L3MBTL1: variants seen among roughly 807,000 people sequenced by gnomAD.
The protein encoded by L3MBTL1 is lethal(3)malignant brain tumor-like protein 1.
A neutral mutation model predicts 105.3 loss-of-function variants in L3MBTL1; 75 were observed. That is an observed-to-expected ratio of 0.71 (90% CI 0.59 to 0.86). The LOEUF is 0.86. Among genes scored for constraint, L3MBTL1 ranks in the 40% least tolerant of loss-of-function variants. L3MBTL1 has a pLI of 0.00. For synonymous variants in L3MBTL1, 452 were observed against 436.2 expected, an observed-to-expected ratio of 1.04 and a Z score of -0.45; for missense variants, 1,069 against 1,126.4, an observed-to-expected ratio of 0.95 and a Z score of 0.73.
At chr20:43,514,910 A>C in intron 4 of L3MBTL1, 99 bp from the exon 5 acceptor site, 1 of 1,489,832 alleles carries the variant, frequency 6.7e-7, no homozygotes, top group Non-Finnish European at 9.1e-7. Context: ...TCCGATGCGG[A>C]GATGGACCGA....
chr20:43,526,798 A>T (rs2019057103), intron 7 of L3MBTL1, among the ~76,000 whole-genome samples: 2 of 152,180 alleles, frequency 1.3e-5, no homozygotes, highest in African/African-American at 4.8e-5. Flanking sequence ...TAAAGATTTA[A>T]AAAATAGCCA....
downstream of L3MBTL1, among the ~76,000 whole-genome samples, chr20:43,546,182 G>A (rs938134128): frequency 6.6e-6 from 1 of 152,234 alleles, no homozygotes; most frequent in Non-Finnish European, 1.5e-5. Context: ...GGGTGGTAGA[G>A]GGAACAGAGC....
chr20:43,536,359 C>T (rs973194837), intron 18 of L3MBTL1, 50 bp from the exon 19 acceptor site: 1 of 1,613,108 alleles, frequency 6.2e-7, no homozygotes, highest in African/African-American at 1.3e-5. Context: ...GCCTCTTGGA[C>T]TGGGCCAGAC....
downstream of L3MBTL1, among the ~76,000 whole-genome samples, chr20:43,545,403 C>A (rs553993080): frequency 2.0e-5 from 3 of 151,896 alleles, no homozygotes; most frequent in African/African-American, 7.3e-5. Context: ...CAGAGCCAGA[C>A]CGGCATGAGG....
chr20:43,533,997 C>T lies in L3MBTL1; in HGVS notation c.1514-11C>T, dbSNP rs1375735838. The T allele has an allele frequency of 6.2e-7, 1 of 1,608,970 alleles. No homozygotes were observed. Among genetic ancestry groups the T allele is most frequent in the Non-Finnish European group, 8.5e-7 (1 of 1,175,458 alleles). ...TGGGTGGCTAGACATTGCTCTCATC[C>T]TCTCCTCCAGACTACCCAGACCCTG... On this transcript the variant is annotated splice_polypyrimidine_tract_variant and intron_variant, in intron 13 of 21. Coordinates refer to ENST00000418998, the MANE Select transcript of L3MBTL1 (RefSeq NM_001377303.1).
intron 19 of L3MBTL1, chr20:43,539,725 C>T (rs545890833): frequency 1.9e-5 from 5 of 260,488 alleles, no homozygotes; most frequent in East Asian, 9.7e-5. Flanking sequence ...GGTCGTGGCC[C>T]GGAAGGACTC....
chr20:43,515,617 C>G, intron 6 of L3MBTL1: 1 of 627,318 alleles, frequency 1.6e-6, no homozygotes, highest in Non-Finnish European at 2.7e-6. Flanking sequence ...CTTGATTTTC[C>G]AGAGCTCCCA....
chr20:43,534,400 T>C lies in L3MBTL1; in HGVS notation c.1710+6T>C. 6.2e-7 allele frequency: 1 copy of C among 1,612,798 alleles called. No homozygotes were observed. The highest frequency in any genetic ancestry group is 8.5e-7 in the Non-Finnish European group (1 of 1,178,936). The stretch of plus-strand genomic sequence containing the variant: ...TGGAGGACCATCGGATAAAGGTGGC[T>C]CTGGGACCCTAGGGCTGGGAAGTGG... On this transcript the variant is annotated splice_donor_region_variant and intron_variant, in intron 15 of 21. Transcript: ENST00000418998.
At chr20:43,539,937 G>C (rs1281438511) in intron 19 of L3MBTL1, 1 of 636,452 alleles carries the variant, frequency 1.6e-6, no homozygotes, top group Non-Finnish European at 2.9e-6. Flanking sequence ...GCTGACCTGA[G>C]AGTCTTTAAG....
chr20:43,548,690 A>T (rs1190648459), exon 19 of L3MBTL1: 1 of 152,610 alleles, frequency 6.6e-6, no homozygotes, highest in Non-Finnish European at 1.5e-5. Context: ...AAGTGACCCC[A>T]CCACAAATGT....
At chr20:43,546,410 A>C (rs1467429898), downstream of L3MBTL1, among the ~76,000 whole-genome samples, 2 of 152,162 alleles carry the variant, frequency 1.3e-5, no homozygotes, top group African/African-American at 4.8e-5. Flanking sequence ...ATCTTGGGCA[A>C]ATTCTGTAGC....
Position 43,541,716 on chromosome 20 carries a change from T to A in L3MBTL1, c.*588T>A. On this transcript the variant is annotated 3_prime_UTR_variant, in exon 22 of 22. Coordinates refer to ENST00000418998, the MANE Select transcript of L3MBTL1 (RefSeq NM_001377303.1). ...TTTCTGTATATGTTCCACTATAATC[T>A]TATGGGACCATGGTTTTAAATGTGG... The A allele has an allele frequency of 1.4e-6, 1 of 700,482 alleles. No homozygotes were observed. Among genetic ancestry groups the A allele is most frequent in the Non-Finnish European group, 1.8e-6 (1 of 568,498 alleles). The allele number at this position is 700,482 out of a possible 1,614,324, so 43.4% of individuals were successfully genotyped here. A position where few individuals can be genotyped will look rare whatever the true frequency, so the allele number is the denominator to read the frequency against.
chr20:43,510,406 C>CTTT (rs11476429), intron 1 of L3MBTL1, among the ~76,000 whole-genome samples: 8,732 of 127,416 alleles, frequency 0.069, 505 homozygotes, highest in East Asian at 0.14. Context: ...TTCTTTCTTT[C>CTTT]TTTTTTTTTT....
chr20:43,516,234 T>A, intron 7 of L3MBTL1, 57 bp downstream of exon 7: 1 of 1,306,794 alleles, frequency 7.7e-7, no homozygotes, highest in South Asian at 1.2e-5. Flanking sequence ...CCTTTGGAGG[T>A]GTGAGGCTGA....
At chr20:43,535,138 C>T (rs901647600) in intron 16 of L3MBTL1, among the ~76,000 whole-genome samples, 196 bp downstream of exon 16, 1 of 152,152 alleles carries the variant, frequency 6.6e-6, no homozygotes, top group African/African-American at 2.4e-5. Flanking sequence ...CTGGCTACCC[C>T]AGTTGTCGGG....
At position 43,513,974 on chromosome 20, in the gene L3MBTL1, C is replaced by A. The variant is rs1031204104; in HGVS notation, c.273C>A (p.Ser91Arg). 10 of 1,547,188 alleles carry A rather than the reference C, an allele frequency of 6.5e-6. No individual in the cohort carries two copies. Among genetic ancestry groups the A allele is most frequent in the Non-Finnish European group, 8.7e-6 (10 of 1,146,920 alleles). Residue 91 changes from serine (S) to arginine (R), a missense_variant, in exon 3 of 22, where the codon AGC becomes AGA. Ser to Arg is a moderately radical substitution (Grantham distance 110, BLOSUM62 -1). Coordinates refer to ENST00000418998, the MANE Select transcript of L3MBTL1 (RefSeq NM_001377303.1). The part of the protein sequence containing the change: ...PVSATVLPQL[S>R]AGPASSSTST... ...CTGCCACCGTCCTGCCGCAGCTTAG[C>A]GCCGGGCCGGCCAGCTCCAGCACCA... is the stretch of plus-strand genomic sequence containing the variant.
chr20:43,528,513 C>G, intron 7 of L3MBTL1, 144 bp from the exon 8 acceptor site: 1 of 648,000 alleles, frequency 1.5e-6, no homozygotes, highest in South Asian at 1.8e-5. Context: ...CTGGCACCAT[C>G]ATGGTGGGTG....
chr20:43,538,550 T>C (rs1195396793), intron 19 of L3MBTL1, among the ~76,000 whole-genome samples: 2 of 152,158 alleles, frequency 1.3e-5, no homozygotes, highest in African/African-American at 4.8e-5. Context: ...CTCCTTAGTG[T>C]AGGCTCTGAG....
At chr20:43,536,537 C>T in intron 19 of L3MBTL1, 79 bp downstream of exon 19, 1 of 1,500,542 alleles carries the variant, frequency 6.7e-7, no homozygotes, top group Admixed American at 1.7e-5. Flanking sequence ...TGGGATGAGA[C>T]AGATTTCCCA....
Sources: allele counts gnomAD v4.1 joint callset (sites outside exome capture counted in the v4.1 genomes callset), GRCh38; gene constraint gnomAD v4.1.1; transcripts MANE v1.5; gene names NCBI Gene and HGNC (gene_info 2026-07-23, HGNC 2026-07-21).